CDH13: variants seen among roughly 807,000 people sequenced by gnomAD.
CDH13 encodes cadherin-13.
In CDH13, 24 loss-of-function variants were observed where a neutral mutation model predicts 63.8. That is an observed-to-expected ratio of 0.38 (90% CI 0.27 to 0.53). CDH13 has a LOEUF of 0.53. Among genes scored for constraint, CDH13 ranks in the 20% least tolerant of loss-of-function variants. The probability of loss-of-function intolerance (pLI) is 0.85; values close to 1 mark genes in which losing one functional copy is unlikely to be tolerated. For missense variants in CDH13, 1,049 were observed against 903.1 expected (o/e 1.16, Z -2.07); for synonymous variants, 503 against 355.3 (o/e 1.42, Z -4.67).
intron 7 of CDH13, among the ~76,000 whole-genome samples, chr16:83,523,736 A>G (rs562649857): frequency 1.3e-5 from 2 of 152,324 alleles, no homozygotes; most frequent in Non-Finnish European, 2.9e-5. Context: ...CCAGAAGTAT[A>G]TATCTTCCCC....
At chr16:83,172,918 C>G (rs564604021) in intron 4 of CDH13, among the ~76,000 whole-genome samples, 13 of 152,202 alleles carry the variant, frequency 8.5e-5, no homozygotes, top group African/African-American at 2.2e-4. Context: ...GAACTGAAGT[C>G]AAAGGGATTT....
At chr16:82,898,913 T>G (rs2041362610) in intron 2 of CDH13, among the ~76,000 whole-genome samples, 1 of 152,236 alleles carries the variant, frequency 6.6e-6, no homozygotes, top group African/African-American at 2.4e-5. Context: ...TATGCTTAAC[T>G]TCACTCAGTA....
At chr16:82,720,058 T>G (rs2032665524) in intron 1 of CDH13, among the ~76,000 whole-genome samples, 1 of 152,100 alleles carries the variant, frequency 6.6e-6, no homozygotes, top group Non-Finnish European at 1.5e-5. Context: ...CCCAAAACAC[T>G]TCTAATATTA....
intron 2 of CDH13, among the ~76,000 whole-genome samples, chr16:82,877,328 C>G (rs543172597): frequency 6.6e-6 from 1 of 152,182 alleles, no homozygotes; most frequent in Non-Finnish European, 1.5e-5. Context: ...AATTGATATG[C>G]ATGGATTGTC....
At chr16:83,098,151 G>A (rs954150730) in intron 3 of CDH13, among the ~76,000 whole-genome samples, 1 of 152,182 alleles carries the variant, frequency 6.6e-6, no homozygotes, top group Non-Finnish European at 1.5e-5. Flanking sequence ...GTAGCCTCAA[G>A]AAATATTCTT....
intron 3 of CDH13, among the ~76,000 whole-genome samples, chr16:83,052,625 C>T (rs1486487822): frequency 6.6e-6 from 1 of 151,668 alleles, no homozygotes; most frequent in Admixed American, 6.6e-5. Flanking sequence ...ACTAAAAATA[C>T]AAAAATTAGC....
intron 1 of CDH13, chr16:82,823,408 A>G (rs1328383347): frequency 5.4e-5 from 2 of 37,296 alleles, no homozygotes; most frequent in Non-Finnish European, 1.2e-4. Flanking sequence ...AGATAGGGAA[A>G]AAAAGTACAT....
At chr16:83,099,217 G>A (rs1368801946) in intron 3 of CDH13, among the ~76,000 whole-genome samples, 1 of 152,142 alleles carries the variant, frequency 6.6e-6, no homozygotes, top group Non-Finnish European at 1.5e-5. Flanking sequence ...TACAAAGTAT[G>A]TTTACACAAA....
intron 2 of CDH13, among the ~76,000 whole-genome samples, chr16:82,922,947 A>G (rs568123973): frequency 6.6e-6 from 1 of 152,130 alleles, no homozygotes; most frequent in Non-Finnish European, 1.5e-5. Flanking sequence ...CAAGTCACAC[A>G]TATTTTTTGT....
chr16:83,765,565 A>AG (rs1914321780), intron 11 of CDH13, among the ~76,000 whole-genome samples: 1 of 149,098 alleles, frequency 6.7e-6, no homozygotes, highest in Non-Finnish European at 1.5e-5. Flanking sequence ...CACACACACA[A>AG]AGAGAGAGAG....
At chr16:83,163,260 A>G (rs752187912) in intron 4 of CDH13, among the ~76,000 whole-genome samples, 1 of 152,066 alleles carries the variant, frequency 6.6e-6, no homozygotes, top group Non-Finnish European at 1.5e-5. Flanking sequence ...TGTCTTTATC[A>G]GTAGTGCAAA....
chr16:83,582,280 T>TA (rs200723245), intron 7 of CDH13, among the ~76,000 whole-genome samples: 15 of 152,022 alleles, frequency 9.9e-5, no homozygotes, highest in African/African-American at 3.1e-4. Flanking sequence ...CTTGGCTTAA[T>TA]CCTTTTTTTT....
At chr16:83,656,478 G>C (rs536953152) in intron 8 of CDH13, among the ~76,000 whole-genome samples, 2 of 152,144 alleles carry the variant, frequency 1.3e-5, no homozygotes, top group Non-Finnish European at 2.9e-5. Flanking sequence ...GGGGGTGTGA[G>C]TGTGTGATTC....
At chr16:83,763,642 T>C (rs1406464547) in intron 11 of CDH13, among the ~76,000 whole-genome samples, 1 of 152,190 alleles carries the variant, frequency 6.6e-6, no homozygotes, top group African/African-American at 2.4e-5. Context: ...AATGAAGCCA[T>C]TAGTTATGAT....
In CDH13 at chr16:83,623,605, C is replaced by T. The variant is rs573240883; in HGVS notation, c.1101+21011C>T. On this transcript the variant is annotated intron_variant, in intron 8 of 13. Coordinates refer to ENST00000567109, the MANE Select transcript of CDH13 (RefSeq NM_001257.5). ...CTACAAATAGGAACAGGTGTCTTTG[C>T]TAATCGCCCCTGAATGCACGGTTCA... Among the ~76,000 whole-genome samples the T allele has an allele frequency of 1.2e-4, 18 of 152,280 alleles. No homozygotes were observed. In the East Asian group the frequency reaches 3.5e-3, roughly 29 times the overall value.
intron 1 of CDH13, among the ~76,000 whole-genome samples, chr16:82,845,997 A>G (rs1234524576): frequency 6.6e-6 from 1 of 152,220 alleles, no homozygotes; most frequent in African/African-American, 2.4e-5. Context: ...CACTGAGTGA[A>G]TTGTTCTTGG....
intron 6 of CDH13, among the ~76,000 whole-genome samples, chr16:83,395,346 T>G (rs1159930969): frequency 6.6e-6 from 1 of 151,492 alleles, no homozygotes; most frequent in African/African-American, 2.4e-5. Context: ...GATCAAATAC[T>G]CAAGGCTCCT....
intron 2 of CDH13, among the ~76,000 whole-genome samples, chr16:82,971,545 T>A (rs1908746143): frequency 6.6e-6 from 1 of 152,202 alleles, no homozygotes; most frequent in African/African-American, 2.4e-5. Context: ...AACCCAGACC[T>A]CTGGCTACAA....
intron 8 of CDH13, among the ~76,000 whole-genome samples, chr16:83,665,131 A>G (rs1012178285): frequency 2.6e-5 from 4 of 152,178 alleles, no homozygotes; most frequent in Non-Finnish European, 5.9e-5. Context: ...TTGGAGCATA[A>G]CAAGAATGAG....
Sources: gnomAD v4.1 joint callset for allele counts (sites outside exome capture counted in the v4.1 genomes callset) on GRCh38, gnomAD v4.1.1 for gene constraint, MANE v1.5 for transcripts, NCBI Gene and HGNC (gene_info 2026-07-23, HGNC 2026-07-21) for gene names.